IL21R: variants seen among roughly 807,000 people sequenced by gnomAD.
The protein encoded by IL21R is interleukin-21 receptor.
IL21R carries 14 observed loss-of-function variants against 41.3 expected under a neutral mutation model. The observed-to-expected ratio is 0.34, with a 90% CI of 0.22 to 0.53. The LOEUF (loss-of-function observed/expected upper bound fraction) is 0.53, where lower values mean the gene tolerates loss of function less well. Among genes scored for constraint, IL21R ranks in the 20% least tolerant of loss-of-function variants. IL21R has a pLI of 0.94. For missense variants in IL21R, 588 were observed against 681.6 expected (o/e 0.86, Z 1.53); for synonymous variants, 286 against 287.6 (o/e 0.99, Z 0.05).
intron 4 of IL21R, among the ~76,000 whole-genome samples, chr16:27,442,322 T>G (rs2087403089): frequency 6.6e-6 from 1 of 152,182 alleles, no homozygotes; most frequent in Non-Finnish European, 1.5e-5. Flanking sequence ...AGCTGACCAC[T>G]CTGTGCTGCT....
chr16:27,403,456 G>A (rs955287931), intron 1 of IL21R, among the ~76,000 whole-genome samples: 1 of 152,192 alleles, frequency 6.6e-6, no homozygotes, highest in Non-Finnish European at 1.5e-5. Flanking sequence ...GATTCCCTGG[G>A]GGGAGAGTGG....
chr16:27,438,836 C>T (rs774253544), intron 4 of IL21R, among the ~76,000 whole-genome samples: 1 of 152,232 alleles, frequency 6.6e-6, no homozygotes, highest in Admixed American at 6.5e-5. Context: ...TGCCACCGCA[C>T]TCCAGCCTGG....
At chr16:27,427,702 G>A (rs964898825) in intron 1 of IL21R, among the ~76,000 whole-genome samples, 22 of 152,142 alleles carry the variant, frequency 1.4e-4, no homozygotes, top group African/African-American at 4.3e-4. Context: ...AGGGAGTGAC[G>A]GGGACAGAGC....
At chr16:27,409,084 C>T (rs2086788985) in intron 1 of IL21R, among the ~76,000 whole-genome samples, 1 of 151,716 alleles carries the variant, frequency 6.6e-6, no homozygotes, top group Non-Finnish European at 1.5e-5. Context: ...ACACTCTTAC[C>T]AGAATATTGA....
intron 6 of IL21R, 86 bp from the exon 7 acceptor site, chr16:27,445,090 AC>A: frequency 1.1e-6 from 1 of 893,456 alleles, no homozygotes; most frequent in Non-Finnish European, 1.8e-6. Flanking sequence ...CTTCCACTCT[AC>A]CCCAGACCCA....
chr16:27,417,568 G>T (rs1282906641), intron 1 of IL21R, among the ~76,000 whole-genome samples: 2 of 152,138 alleles, frequency 1.3e-5, no homozygotes, highest in Non-Finnish European at 2.9e-5. Flanking sequence ...TGTGTCATTA[G>T]GTAATTTTGT....
At chr16:27,429,984 A>C (rs1324959362) in intron 1 of IL21R, 72 bp from the exon 2 acceptor site, 13 of 1,307,882 alleles carry the variant, frequency 9.9e-6, no homozygotes, top group Non-Finnish European at 8.6e-6. Flanking sequence ...GCCTGGGAAG[A>C]GACAGGATGA....
At chr16:27,448,491 A>G (rs202049353) in intron 8 of IL21R, 43 bp from the exon 9 acceptor site, 777 of 1,534,240 alleles carry the variant, frequency 5.1e-4, no homozygotes, top group Non-Finnish European at 6.3e-4. Flanking sequence ...CCCTCACCTT[A>G]CCCTCATCCT....
chr16:27,408,236 A>G (rs1489227594), intron 1 of IL21R, among the ~76,000 whole-genome samples: 1 of 152,338 alleles, frequency 6.6e-6, no homozygotes, highest in Non-Finnish European at 1.5e-5. Context: ...AGGAGCTGCC[A>G]TTTGAATGGG....
In IL21R at chr16:27,419,851, T is replaced by C. The variant is rs972753278; in HGVS notation, c.-16-10205T>C. ...TTATTATTATTATTATTATTATTAT[T>C]ATCAAGCATTATGTACAATACATAA... On this transcript the variant is annotated intron_variant, in intron 1 of 8. Transcript: ENST00000337929. 5.8e-4 allele frequency among the ~76,000 whole-genome samples: 83 copies of C among 142,404 alleles called. 1 individual carries two copies. Among genetic ancestry groups the C allele is most frequent in the South Asian group, 3.7e-3 (16 of 4,376 alleles). The allele number at this position is 142,404 out of a possible 152,430, so 93.4% of individuals were successfully genotyped here.
chr16:27,418,516 G>A (rs375598032), intron 1 of IL21R, among the ~76,000 whole-genome samples: 135 of 151,930 alleles, frequency 8.9e-4, no homozygotes, highest in South Asian at 4.9e-3. Flanking sequence ...CTACAGGTGC[G>A]CGCCACCACG....
chr16:27,434,200 C>T, intron 2 of IL21R, 147 bp from the exon 3 acceptor site: 1 of 587,356 alleles, frequency 1.7e-6, no homozygotes, highest in Non-Finnish European at 3.0e-6. Flanking sequence ...GCCAGGCCTA[C>T]ATCTAAGCAG....
chr16:27,404,050 A>G (rs1391924281), intron 1 of IL21R, among the ~76,000 whole-genome samples: 1 of 152,142 alleles, frequency 6.6e-6, no homozygotes, highest in Non-Finnish European at 1.5e-5. Flanking sequence ...ACATGAAAAC[A>G]AGACTCATGG....
intron 1 of IL21R, among the ~76,000 whole-genome samples, chr16:27,416,578 TCTTA>T (rs147158039): frequency 0.043 from 6,625 of 152,316 alleles, 191 homozygotes; most frequent in South Asian, 0.1. Context: ...TGACAAAATC[TCTTA>T]CTTATTTTTG....
At chr16:27,406,316 G>T (rs1415862809) in intron 1 of IL21R, among the ~76,000 whole-genome samples, 1 of 152,180 alleles carries the variant, frequency 6.6e-6, no homozygotes, top group Non-Finnish European at 1.5e-5. Context: ...GGCTGCAGAG[G>T]CTGAGAGATT....
At chr16:27,410,349 T>C (rs894063824) in intron 1 of IL21R, among the ~76,000 whole-genome samples, 8 of 151,274 alleles carry the variant, frequency 5.3e-5, no homozygotes. Flanking sequence ...AAAAAAAAAG[T>C]CTTGTACATC....
In IL21R at chr16:27,449,758, C is replaced by T; in HGVS notation, c.*475C>T. 1 of 241,930 alleles carries T rather than the reference C, an allele frequency of 4.1e-6. No homozygotes were observed. Among genetic ancestry groups the T allele is most frequent in the East Asian group, 6.0e-5 (1 of 16,792 alleles). 15.0% of individuals were successfully genotyped at this position (241,930 alleles called of 1,614,324 possible). Reference sequence around the variant, plus strand: ...GTGACTGAGGCGGAGCCCAGCCCTCCAGCGTCTGCCTCCAGGAGCTGCAAG... The same window carrying T: ...GTGACTGAGGCGGAGCCCAGCCCTCTAGCGTCTGCCTCCAGGAGCTGCAAG... On this transcript the variant is annotated 3_prime_UTR_variant, in exon 9 of 9. Transcript: ENST00000337929.
rs2086939185 is a variant in IL21R at position 27,418,517 on chromosome 16, C to CCT, written c.-16-11539_-16-11538insCT. 4.6e-5 allele frequency among the ~76,000 whole-genome samples: 7 copies of CCT among 152,000 alleles called. No individual in the cohort carries two copies. In the South Asian group the frequency reaches 1.5e-3, roughly 32 times the overall value. ...CAGAGTAGCTGGGACTACAGGTGCG[C>CCT]GCCACCACGCTCGGCTAATTTTTTT... is the stretch of plus-strand genomic sequence containing the variant. On this transcript the variant is annotated intron_variant, in intron 1 of 8. Transcript: ENST00000337929.
At position 27,448,516 on chromosome 16, in the gene IL21R, T is replaced by C; in HGVS notation, c.868-18T>C. 1.3e-6 allele frequency: 2 copies of C among 1,577,494 alleles called. No individual in the cohort carries two copies. The highest frequency in any genetic ancestry group is 4.5e-5 in the East Asian group (2 of 44,556). On this transcript the variant is annotated intron_variant, in intron 8 of 8. Coordinates refer to ENST00000337929, the MANE Select transcript of IL21R (RefSeq NM_181078.3). ...ACCCTCATCCTGTGCTATGACTCTC[T>C]CTTTTTCTCTCTCACAGAAATGGGT...
Sources: allele counts gnomAD v4.1 joint callset (sites outside exome capture counted in the v4.1 genomes callset), GRCh38; gene constraint gnomAD v4.1.1; transcripts MANE v1.5; gene names NCBI Gene and HGNC (gene_info 2026-07-23, HGNC 2026-07-21).